The following PRMT8 variants were observed in gnomAD, a reference collection of about 807,000 sequenced individuals.
PRMT8 encodes protein arginine methyltransferase 8.
A neutral mutation model predicts 47.1 loss-of-function variants in PRMT8; 7 were observed. That is an observed-to-expected ratio of 0.15 (90% CI 0.08 to 0.28). PRMT8 has a LOEUF of 0.28. PRMT8 is among the 10% of genes least tolerant of loss of function. PRMT8 has a pLI of 1.00. For synonymous variants in PRMT8, 188 were observed against 186.5 expected, an observed-to-expected ratio of 1.01 and a Z score of -0.07; for missense variants, 237 against 505.4, an observed-to-expected ratio of 0.47 and a Z score of 5.09.
rs545032786 is a variant in PRMT8, at chr12:3,572,175, A to G, written c.712+2611A>G. ...CTGCCCTCCATTTGCTCACCAATGA[A>G]TAGAGACCACATAGAGACAGAGATA... On this transcript the variant is annotated intron_variant, in intron 6 of 9. Transcript: ENST00000382622. The surrounding 1 kb of genome is among the most constrained non-coding windows in gnomAD (Gnocchi z 5.9). Among the ~76,000 whole-genome samples, 1 of 152,320 alleles carries G rather than the reference A, an allele frequency of 6.6e-6. No homozygotes were observed.
rs1866858111 is a variant in PRMT8 at position 3,572,174 on chromosome 12, AATAGAGACCAC to A, written c.712+2619_712+2629del. Among the ~76,000 whole-genome samples the A allele has an allele frequency of 6.6e-6, 1 of 152,210 alleles. No homozygotes were observed. The highest frequency in any genetic ancestry group is 1.9e-4 in the East Asian group (1 of 5,202). ...CCTGCCCTCCATTTGCTCACCAATG[AATAGAGACCAC>A]ATAGAGACAGAGATAAATATCTGGC... On this transcript the variant is annotated intron_variant, in intron 6 of 9. Coordinates refer to ENST00000382622, the MANE Select transcript of PRMT8 (RefSeq NM_019854.5). The surrounding 1 kb of genome is among the most constrained non-coding windows in gnomAD (Gnocchi z 5.9).
chr12:3,565,511 T>C (rs1458729831), intron 4 of PRMT8, among the ~76,000 whole-genome samples: 1 of 152,204 alleles, frequency 6.6e-6, no homozygotes, highest in African/African-American at 2.4e-5. Context: ...TGTGGGGCCA[T>C]GTCCACACTG....
At chr12:3,395,595 G>C (rs1466692245) in intron 1 of PRMT8, among the ~76,000 whole-genome samples, 1 of 150,162 alleles carries the variant, frequency 6.7e-6, no homozygotes, top group South Asian at 2.1e-4. Context: ...TATAATTTCT[G>C]TTCTTTTACA....
chr12:3,493,193 G>A lies in PRMT8; in HGVS notation c.75+1493G>A, dbSNP rs1015169477. 1.1e-4 allele frequency among the ~76,000 whole-genome samples: 16 copies of A among 152,180 alleles called. No homozygotes were observed. Among genetic ancestry groups the A allele is most frequent in the African/African-American group, 3.9e-4 (16 of 41,448 alleles). ...CCTTGAGTTAGGGCAAAGCCTGCGTGCCCGCCGTCCCCTCACCACTTCCTC... is the reference window on the plus strand; with the variant it reads ...CCTTGAGTTAGGGCAAAGCCTGCGTACCCGCCGTCCCCTCACCACTTCCTC... On this transcript the variant is annotated intron_variant, in intron 1 of 9. Coordinates refer to ENST00000382622, the MANE Select transcript of PRMT8 (RefSeq NM_019854.5). The surrounding 1 kb of genome is among the most constrained non-coding windows in gnomAD (Gnocchi z 8.2).
Position 3,552,657 on chromosome 12 carries a change from C to A in PRMT8, c.418-994C>A. The A allele has an allele frequency of 2.2e-6, 1 of 448,226 alleles. No individual in the cohort carries two copies. The highest frequency in any genetic ancestry group is 4.5e-6 in the Non-Finnish European group (1 of 221,730). 27.8% of individuals were successfully genotyped at this position (448,226 alleles called of 1,614,324 possible). ...GACCTGCACCCTGGCTGGAGTCGGC[C>A]TCCTTGGATGCAGCTCTAACCAAGT... On this transcript the variant is annotated intron_variant, in intron 3 of 9. Transcript: ENST00000382622. The surrounding 1 kb of genome is among the most constrained non-coding windows in gnomAD (Gnocchi z 4.5).
intron 2 of PRMT8, among the ~76,000 whole-genome samples, chr12:3,541,853 T>A (rs1320082881): frequency 2.0e-5 from 3 of 152,238 alleles, no homozygotes; most frequent in Non-Finnish European, 2.9e-5. Flanking sequence ...GCAAGGTTGG[T>A]GTTATTGCTT....
chr12:3,454,991 C>T (rs1864958725), intron 1 of PRMT8, among the ~76,000 whole-genome samples: 1 of 152,166 alleles, frequency 6.6e-6, no homozygotes, highest in Non-Finnish European at 1.5e-5. Context: ...CTGGTGAATT[C>T]ATCCGCCTTA....
In PRMT8 at chr12:3,549,959, G is replaced by A; in HGVS notation, c.285G>A (p.Arg95=). 1 of 1,614,142 alleles carries A rather than the reference G, an allele frequency of 6.2e-7. No individual in the cohort carries two copies. Among genetic ancestry groups the A allele is most frequent in the Non-Finnish European group, 8.5e-7 (1 of 1,179,992 alleles). The part of the protein sequence containing the change: ...IHEEMLKDEV[R]TLTYRNSMYH... The stretch of plus-strand genomic sequence containing the variant: ...AGGAAATGCTGAAGGATGAGGTGCG[G>A]ACTCTCACTTACCGGAACTCCATGT... Residue 95 remains arginine, a synonymous_variant, in exon 3 of 10, where the codon CGG becomes CGA. Transcript: ENST00000382622.
intron 1 of PRMT8, among the ~76,000 whole-genome samples, chr12:3,522,809 A>C (rs1158164053): frequency 6.6e-5 from 10 of 152,052 alleles, no homozygotes; most frequent in East Asian, 1.9e-4. Context: ...AACAAACAAA[A>C]AAAAACAGAA....
chr12:3,579,228 G>A (rs894777353), intron 7 of PRMT8, among the ~76,000 whole-genome samples: 31 of 152,104 alleles, frequency 2.0e-4, no homozygotes, highest in Non-Finnish European at 5.9e-5. Context: ...GCATCTGCAC[G>A]TACTGGCTTC....
At chr12:3,454,522 C>A (rs1864953761) in intron 1 of PRMT8, among the ~76,000 whole-genome samples, 2 of 152,110 alleles carry the variant, frequency 1.3e-5, no homozygotes, top group Admixed American at 6.6e-5. Flanking sequence ...GCCCGTCATG[C>A]CCAGCCCTGG....
intron 1 of PRMT8, among the ~76,000 whole-genome samples, chr12:3,505,105 A>T (rs944920644): frequency 5.5e-5 from 8 of 144,612 alleles, no homozygotes; most frequent in Non-Finnish European, 9.1e-5. Context: ...ACTGTCTGGC[A>T]CTCCCTAGTG....
intron 1 of PRMT8, among the ~76,000 whole-genome samples, chr12:3,472,050 G>A (rs1455812838): frequency 2.0e-5 from 3 of 152,156 alleles, no homozygotes; most frequent in Non-Finnish European, 2.9e-5. Context: ...GATTCCCAAG[G>A]CTTCTACAGA....
At position 3,409,670 on chromosome 12, in the gene PRMT8, C is replaced by T. The variant is rs1187905862; in HGVS notation, c.48+28228C>T. Among the ~76,000 whole-genome samples, 1 of 152,054 alleles carries T rather than the reference C, an allele frequency of 6.6e-6. No individual in the cohort carries two copies. The highest frequency in any genetic ancestry group is 1.9e-4 in the East Asian group (1 of 5,162). Reference sequence around the variant, plus strand: ...CCCATCTCAGTCAATGCTCTGTTTTCCTGGGATGTGGGATGCCACATCAGC... The same window carrying T: ...CCCATCTCAGTCAATGCTCTGTTTTTCTGGGATGTGGGATGCCACATCAGC... On this transcript the variant is annotated intron_variant, in intron 1 of 9. Transcript: ENST00000452611. This position sits in a 1 kb window ranked among gnomAD's most constrained non-coding sequence, Gnocchi z 4.4.
chr12:3,568,544 T>C (rs1157907000), intron 4 of PRMT8, among the ~76,000 whole-genome samples, 162 bp from the exon 5 acceptor site: 2 of 152,174 alleles, frequency 1.3e-5, no homozygotes, highest in Admixed American at 1.3e-4. Flanking sequence ...TAGTTTTCAA[T>C]TATGTTGGTA....
intron 1 of PRMT8, among the ~76,000 whole-genome samples, chr12:3,465,149 A>AT (rs1324981221): frequency 6.1e-5 from 7 of 114,374 alleles, no homozygotes; most frequent in African/African-American, 1.6e-4. Flanking sequence ...TATATATATA[A>AT]TTTTTTTATA....
chr12:3,384,070 T>G (rs1374071120), intron 1 of PRMT8, among the ~76,000 whole-genome samples: 1 of 152,204 alleles, frequency 6.6e-6, no homozygotes, highest in Non-Finnish European at 1.5e-5. Context: ...TTTCCTATTC[T>G]TGTCTTATTG....
Position 3,456,196 on chromosome 12 carries a change from C to A in PRMT8, c.48+74754C>A, listed in dbSNP as rs75061510. On this transcript the variant is annotated intron_variant, in intron 1 of 9. Coordinates refer to the PRMT8 transcript ENST00000452611. This position sits in a 1 kb window ranked among gnomAD's most constrained non-coding sequence, Gnocchi z 4.2. Reference sequence around the variant, plus strand: ...ATGACCACATCCAAGTACGCCAGCGCTGGCACACCAAGCGCCACCTTTGAG... The same window carrying A: ...ATGACCACATCCAAGTACGCCAGCGATGGCACACCAAGCGCCACCTTTGAG... Among the ~76,000 whole-genome samples the A allele has an allele frequency of 7.6e-3, 1,162 of 152,360 alleles. 16 individuals are homozygous for A. The highest frequency in any genetic ancestry group is 0.027 in the African/African-American group (1,105 of 41,578).
At chr12:3,459,755 A>G (rs4765735) in intron 1 of PRMT8, among the ~76,000 whole-genome samples, 110,384 of 151,900 alleles carry the variant, frequency 0.73, 40,402 homozygotes, top group South Asian at 0.85. Context: ...AAGACGCTGG[A>G]GCCTTCCTCC....
Sources: gnomAD v4.1 joint callset for allele counts (sites outside exome capture counted in the v4.1 genomes callset) on GRCh38, gnomAD v4.1.1 for gene constraint, Gnocchi (gnomAD v3.1) non-coding constraint, MANE v1.5 for transcripts, NCBI Gene and HGNC (gene_info 2026-07-23, HGNC 2026-07-21) for gene names.